The following PI4K2B variants were observed in gnomAD, a reference collection of about 807,000 sequenced individuals.
The protein encoded by PI4K2B is phosphatidylinositol 4-kinase type 2 beta, also known as phosphatidylinositol 4-kinase type 2-beta.
Under a neutral mutation model 56.6 loss-of-function variants are expected in PI4K2B, and 46 were observed. The observed-to-expected ratio is 0.81, with a 90% CI of 0.64 to 1.04. The LOEUF is 1.04. PI4K2B is among the 50% of genes least tolerant of loss of function. The probability of loss-of-function intolerance (pLI) is 0.00; values close to 1 mark genes in which losing one functional copy is unlikely to be tolerated. For missense variants in PI4K2B, 556 were observed against 607.7 expected, an observed-to-expected ratio of 0.91 and a Z score of 0.89; for synonymous variants, 211 against 223.8, an observed-to-expected ratio of 0.94 and a Z score of 0.51.
intron 9 of PI4K2B, among the ~76,000 whole-genome samples, chr4:25,271,393 A>T (rs952711404): frequency 1.3e-5 from 2 of 152,234 alleles, no homozygotes; most frequent in East Asian, 1.9e-4. Flanking sequence ...GTGTGAGAGA[A>T]GATAGGATTT....
At chr4:25,276,634 T>TA (rs1717105646) in intron 9 of PI4K2B, 12 of 983,384 alleles carry the variant, frequency 1.2e-5, no homozygotes, top group Non-Finnish European at 1.4e-5. Flanking sequence ...AGTATTTAGT[T>TA]AAAACCAGAC....
At chr4:25,267,384 C>T (rs1455931755) in intron 7 of PI4K2B, among the ~76,000 whole-genome samples, 1 of 152,210 alleles carries the variant, frequency 6.6e-6, no homozygotes, top group Non-Finnish European at 1.5e-5. Flanking sequence ...CTACTGTGTG[C>T]AATGAGATAG....
chr4:25,243,771 T>C (rs1267346987), intron 1 of PI4K2B, among the ~76,000 whole-genome samples: 1 of 152,338 alleles, frequency 6.6e-6, no homozygotes, highest in Non-Finnish European at 1.5e-5. Flanking sequence ...GTGGACATCA[T>C]TGAATAATTC....
At position 25,244,880 on chromosome 4, in the gene PI4K2B, G is replaced by A. The variant is rs143282645; in HGVS notation, c.269-7441G>A. 2.1e-3 allele frequency among the ~76,000 whole-genome samples: 314 copies of A among 152,198 alleles called. 3 individuals carry two copies. Among genetic ancestry groups the A allele is most frequent in the South Asian group, 0.01 (49 of 4,826 alleles). On this transcript the variant is annotated intron_variant, in intron 1 of 9. Coordinates refer to ENST00000264864, the MANE Select transcript of PI4K2B (RefSeq NM_018323.4). ...GTGACCCTTACCGACCCTTACCGAC[G>A]CATTCTCAAAAACCTGTTAAGAGTC... is the stretch of plus-strand genomic sequence containing the variant.
intron 1 of PI4K2B, among the ~76,000 whole-genome samples, chr4:25,247,803 A>T (rs191659857): frequency 1.1e-3 from 173 of 152,282 alleles, no homozygotes; most frequent in Non-Finnish European, 2.1e-3. Flanking sequence ...TCCTGGGCAC[A>T]AGTGATCCTC....
At chr4:25,264,314 A>G (rs995407533) in intron 7 of PI4K2B, among the ~76,000 whole-genome samples, 1 of 151,916 alleles carries the variant, frequency 6.6e-6, no homozygotes, top group Non-Finnish European at 1.5e-5. Flanking sequence ...AGGCACTTTT[A>G]TTTTGCTTAA....
At chr4:25,236,754 T>TGGGTCCACAC in intron 1 of PI4K2B, among the ~76,000 whole-genome samples, 1 of 152,270 alleles carries the variant, frequency 6.6e-6, no homozygotes, top group Non-Finnish European at 1.5e-5. Context: ...TTCTGCCCCT[T>TGGGTCCACAC]TTCCGTTTTG....
At chr4:25,252,255 A>C in intron 1 of PI4K2B, 66 bp from the exon 2 acceptor site, 1 of 1,179,710 alleles carries the variant, frequency 8.5e-7, no homozygotes, top group Non-Finnish European at 1.2e-6. Context: ...TGATACCGGC[A>C]AGCTAATCGA....
chr4:25,263,542 T>C (rs1716553526), intron 6 of PI4K2B, among the ~76,000 whole-genome samples: 1 of 152,146 alleles, frequency 6.6e-6, no homozygotes, highest in Admixed American at 6.5e-5. Flanking sequence ...AATATGAAAT[T>C]TTAAAAAATA....
At chr4:25,244,797 C>A (rs1715688837) in intron 1 of PI4K2B, among the ~76,000 whole-genome samples, 3 of 152,100 alleles carry the variant, frequency 2.0e-5, no homozygotes, top group African/African-American at 7.2e-5. Context: ...CAGAAACAAC[C>A]CCTGCCCAAG....
intron 7 of PI4K2B, 79 bp downstream of exon 7, chr4:25,263,928 A>G: frequency 3.1e-6 from 2 of 636,816 alleles, no homozygotes; most frequent in Non-Finnish European, 5.6e-6. Flanking sequence ...TACAGATACC[A>G]TAGCGGAGGA....
In PI4K2B at chr4:25,259,168, G is replaced by C; in HGVS notation, c.888G>C (p.Leu296Phe). ...FQSQFERLVI[L>F]DYIIRNTDRG... ...CACAATTTGAAAGATTAGTTATTTT[G>C]GATTACATCATCAGAAATACAGGTA... The change falls in exon 5 of 10, where the codon TTG becomes TTC. Residue 296 changes from leucine to phenylalanine, a missense_variant. Physicochemically the swap from Leu to Phe is conservative, Grantham distance 22 (BLOSUM62 0). Coordinates refer to ENST00000264864, the MANE Select transcript of PI4K2B (RefSeq NM_018323.4). 1.3e-6 allele frequency: 2 copies of C among 1,569,990 alleles called. No individual in the cohort carries two copies. Among genetic ancestry groups the C allele is most frequent in the Non-Finnish European group, 1.7e-6 (2 of 1,145,686 alleles).
At chr4:25,236,431 A>G (rs1715266162) in intron 1 of PI4K2B, among the ~76,000 whole-genome samples, 1 of 151,582 alleles carries the variant, frequency 6.6e-6, no homozygotes. Context: ...GGCGCCTGCA[A>G]TTCCAGCTAC....
At chr4:25,262,426 T>C (rs1205872472) in intron 6 of PI4K2B, among the ~76,000 whole-genome samples, 9 of 152,232 alleles carry the variant, frequency 5.9e-5, no homozygotes, top group Non-Finnish European at 1.3e-4. Context: ...TAGATTTTGC[T>C]GAAAATTCTT....
chr4:25,250,184 G>T (rs1268031656), intron 1 of PI4K2B, among the ~76,000 whole-genome samples: 1 of 152,168 alleles, frequency 6.6e-6, no homozygotes, highest in Non-Finnish European at 1.5e-5. Flanking sequence ...GTCCAACCTC[G>T]GCTCCGCATC....
At chr4:25,253,345 G>C (rs188549426) in intron 2 of PI4K2B, among the ~76,000 whole-genome samples, 1 of 152,262 alleles carries the variant, frequency 6.6e-6, no homozygotes, top group Admixed American at 6.5e-5. Flanking sequence ...TCAAAAATAT[G>C]TTATTTTTTC....
chr4:25,251,607 G>C (rs904239993), intron 1 of PI4K2B, among the ~76,000 whole-genome samples: 3 of 152,144 alleles, frequency 2.0e-5, no homozygotes, highest in Non-Finnish European at 2.9e-5. Flanking sequence ...CGGAGTGCCA[G>C]AGGGACTGAA....
chr4:25,239,955 C>T (rs1715447002), intron 1 of PI4K2B, among the ~76,000 whole-genome samples: 1 of 152,200 alleles, frequency 6.6e-6, no homozygotes, highest in South Asian at 2.1e-4. Flanking sequence ...GCAGGTTGGT[C>T]CAGGGGTCCT....
At chr4:25,236,676 A>C (rs1715275709) in intron 1 of PI4K2B, among the ~76,000 whole-genome samples, 1 of 152,052 alleles carries the variant, frequency 6.6e-6, no homozygotes, top group Non-Finnish European at 1.5e-5. Flanking sequence ...TTCAGAGGTA[A>C]ATGGTTTGCC....
Sources: allele counts gnomAD v4.1 joint callset (sites outside exome capture counted in the v4.1 genomes callset), GRCh38; gene constraint gnomAD v4.1.1; transcripts MANE v1.5; gene names NCBI Gene and HGNC (gene_info 2026-07-23, HGNC 2026-07-21).